Variants in SEMA6A observed in about 807,000 individuals in gnomAD.
SEMA6A encodes the protein semaphorin-6A.
In SEMA6A, 25 loss-of-function variants were observed where a neutral mutation model predicts 96.8. The ratio of observed to expected loss-of-function variants is 0.26; its 90% CI spans 0.19 to 0.36. SEMA6A has a LOEUF of 0.36. Ranked by LOEUF, SEMA6A falls within the 10% of genes least tolerant of loss-of-function variation. The pLI is 1.00. For missense variants in SEMA6A, 1,363 were observed against 1,323.1 expected, an observed-to-expected ratio of 1.03 and a Z score of -0.47; for synonymous variants, 612 against 518.0, an observed-to-expected ratio of 1.18 and a Z score of -2.46.
intron 2 of SEMA6A, 60 bp downstream of exon 2, chr5:116,504,785 G>T: frequency 7.7e-7 from 1 of 1,301,266 alleles, no homozygotes; most frequent in African/African-American, 1.5e-5. Context: ...TTTTTTGCTA[G>T]GCTGATTCAG....
rs1041702693 is a variant in SEMA6A, at chr5:116,559,289, ATAAC to A, written c.-39+14892_-39+14895del. ...CCAGCCTGGAAGCTTGGGGGGATGA[ATAAC>A]TCCTCCCTCCTCAGGCCCAGTCCGC... On this transcript the variant is annotated intron_variant, in intron 1 of 18. Coordinates refer to ENST00000343348, the MANE Select transcript of SEMA6A (RefSeq NM_020796.5). Among the ~76,000 whole-genome samples the A allele has an allele frequency of 3.9e-5, 6 of 152,284 alleles. No homozygotes were observed. In the East Asian group the frequency reaches 9.7e-4, roughly 25 times the overall value.
intron 8 of SEMA6A, among the ~76,000 whole-genome samples, chr5:116,488,678 G>A (rs1434782837): frequency 2.0e-5 from 3 of 152,120 alleles, no homozygotes. Flanking sequence ...TTGTGGCATT[G>A]GTAGTTTTGT....
intron 16 of SEMA6A, among the ~76,000 whole-genome samples, chr5:116,474,229 T>C (rs1756324213): frequency 6.6e-6 from 1 of 151,746 alleles, no homozygotes; most frequent in African/African-American, 2.4e-5. Flanking sequence ...ATGATGAAAA[T>C]AGCTCATTAA....
At chr5:116,546,216 G>A (rs766112901) in intron 1 of SEMA6A, among the ~76,000 whole-genome samples, 5 of 152,172 alleles carry the variant, frequency 3.3e-5, no homozygotes, top group South Asian at 2.1e-4. Context: ...GGGCTCTTAC[G>A]CAAGTACTGG....
chr5:116,495,279 A>G, intron 6 of SEMA6A, 134 bp downstream of exon 6: 1 of 695,584 alleles, frequency 1.4e-6, no homozygotes, highest in Middle Eastern at 2.4e-4. Flanking sequence ...CATGTGGAGC[A>G]ATACATTAAG....
intron 3 of SEMA6A, among the ~76,000 whole-genome samples, chr5:116,501,317 G>C (rs958356429): frequency 6.6e-6 from 1 of 152,130 alleles, no homozygotes; most frequent in African/African-American, 2.4e-5. Flanking sequence ...ATCCCTGTTT[G>C]AGCCGTATTC....
At chr5:116,562,882 T>C in intron 1 of SEMA6A, 1 of 626,222 alleles carries the variant, frequency 1.6e-6, no homozygotes, top group Non-Finnish European at 3.0e-6. Flanking sequence ...CAAAGACTCC[T>C]GGACCTGGGG....
At chr5:116,489,968 G>C (rs1242827719) in intron 7 of SEMA6A, among the ~76,000 whole-genome samples, 2 of 152,132 alleles carry the variant, frequency 1.3e-5, no homozygotes, top group African/African-American at 4.8e-5. Flanking sequence ...ATATTCATTA[G>C]TTGTATGTCA....
At chr5:116,525,383 G>A (rs1046870012) in intron 1 of SEMA6A, among the ~76,000 whole-genome samples, 1 of 152,134 alleles carries the variant, frequency 6.6e-6, no homozygotes, top group African/African-American at 2.4e-5. Flanking sequence ...GGCCCATGAA[G>A]AGTTATTTAA....
At chr5:116,547,984 C>T (rs1302101777) in intron 1 of SEMA6A, among the ~76,000 whole-genome samples, 1 of 152,074 alleles carries the variant, frequency 6.6e-6, no homozygotes, top group African/African-American at 2.4e-5. Context: ...GGACTCTGAC[C>T]TTCATGGTAG....
Position 116,446,280 on chromosome 5 carries a change from GTGTGT to G in SEMA6A, c.*328_*332del, listed in dbSNP as rs779007473. Reference sequence around the variant, plus strand: ...GTTGTGTGCATGTGTGTGTGTGTGTGTGTGTGGGGGTGGGGGATGGGGTAGGTATG... The same window carrying G: ...GTTGTGTGCATGTGTGTGTGTGTGTGGGGGGTGGGGGATGGGGTAGGTATG... On this transcript the variant is annotated 3_prime_UTR_variant, in exon 19 of 19. Coordinates refer to ENST00000343348, the MANE Select transcript of SEMA6A (RefSeq NM_020796.5). 0.13 allele frequency: 29,447 copies of G among 222,600 alleles called. 2,865 individuals carry two copies. The highest frequency in any genetic ancestry group is 0.3 in the African/African-American group (12,521 of 41,086). 13.8% of individuals were successfully genotyped at this position (222,600 alleles called of 1,614,324 possible).
chr5:116,467,707 A>G lies in SEMA6A; in HGVS notation c.1770T>C (p.Asp590=). The part of the protein sequence containing the change: ...SSLLPSTTTS[D]STAQEGYESR... ...ACTCATACCCCTCTTGAGCCGTCGA[A>G]TCTGATGTGGTTGTGCTGGGCAAGA... Residue 590 remains aspartate, a synonymous_variant, in exon 18 of 19, where the codon GAT becomes GAC. Transcript: ENST00000343348. 6.2e-7 allele frequency: 1 copy of G among 1,613,766 alleles called. No individual in the cohort carries two copies. The highest frequency in any genetic ancestry group is 1.1e-5 in the South Asian group (1 of 91,052).
At chr5:116,494,534 T>C (rs1348322154) in intron 6 of SEMA6A, among the ~76,000 whole-genome samples, 1 of 152,132 alleles carries the variant, frequency 6.6e-6, no homozygotes, top group Non-Finnish European at 1.5e-5. Flanking sequence ...CTCTGAAGCT[T>C]TCCCAGACTC....
At chr5:116,483,339 AT>A (rs1756885377) in intron 10 of SEMA6A, among the ~76,000 whole-genome samples, 1 of 152,116 alleles carries the variant, frequency 6.6e-6, no homozygotes, top group Admixed American at 6.5e-5. Context: ...TTGGACCCAC[AT>A]TTGTTTTTGA....
intron 13 of SEMA6A, 189 bp from the exon 14 acceptor site, chr5:116,478,343 T>C (rs1436085944): frequency 2.7e-6 from 2 of 749,952 alleles, no homozygotes; most frequent in Admixed American, 2.9e-5. Context: ...CACACACACA[T>C]ATATGTATCT....
chr5:116,505,099 C>T (rs1328759831), intron 1 of SEMA6A, 117 bp from the exon 2 acceptor site: 3 of 569,782 alleles, frequency 5.3e-6, no homozygotes, highest in Non-Finnish European at 9.4e-6. Context: ...ACATCTTCTA[C>T]ATGGTAAATT....
intron 8 of SEMA6A, 49 bp from the exon 9 acceptor site, chr5:116,488,245 C>G (rs1561491221): frequency 8.0e-7 from 1 of 1,256,008 alleles, no homozygotes; most frequent in South Asian, 1.3e-5. Context: ...ACAGAGTTAA[C>G]AGAATTTCAA....
At position 116,496,292 on chromosome 5, in the gene SEMA6A, G is replaced by T. The variant is rs752778446; in HGVS notation, c.301C>A (p.Gln101Lys). 3.7e-6 allele frequency: 6 copies of T among 1,613,572 alleles called. No individual in the cohort carries two copies. The highest frequency in any genetic ancestry group is 8.5e-7 in the Non-Finnish European group (1 of 1,179,734). ...ATTCTGCATGTGTCTACATCGGCCTGTCTAGATTTCCATGTCAGTTTCTGC... is the reference window on the plus strand; with the variant it reads ...ATTCTGCATGTGTCTACATCGGCCTTTCTAGATTTCCATGTCAGTTTCTGC... Reference protein sequence around the residue: ...CSKKLTWKSRQADVDTCRMKG... With the variant: ...CSKKLTWKSRKADVDTCRMKG... Residue 101 changes from glutamine (Q) to lysine (K), a missense_variant, in exon 5 of 19, where the codon CAG becomes AAG. Gln to Lys is a moderately conservative substitution (Grantham distance 53). Transcript: ENST00000343348.
Position 116,446,460 on chromosome 5 carries a change from C to T in SEMA6A, c.*153G>A, listed in dbSNP as rs971619222. ...CCACGCGGCCCAGTTTTCGTGAGTA[C>T]CCCTGTGTCCCAGAGAGGAGGACCC... On this transcript the variant is annotated 3_prime_UTR_variant, in exon 19 of 19. Transcript: ENST00000343348. 20 of 618,122 alleles carry T rather than the reference C, an allele frequency of 3.2e-5. No individual in the cohort carries two copies. The highest frequency in any genetic ancestry group is 4.7e-5 in the Non-Finnish European group (18 of 382,886). The allele number at this position is 618,122 out of a possible 1,614,324, so 38.3% of individuals were successfully genotyped here.
Sources: gnomAD v4.1 joint callset for allele counts (sites outside exome capture counted in the v4.1 genomes callset) on GRCh38, gnomAD v4.1.1 for gene constraint, MANE v1.5 for transcripts, NCBI Gene and HGNC (gene_info 2026-07-23, HGNC 2026-07-21) for gene names.